RCAN3: variants seen among roughly 807,000 people sequenced by gnomAD.
RCAN3 encodes the protein calcipressin-3.
In RCAN3, 19 loss-of-function variants were observed where a neutral mutation model predicts 21.9. The observed-to-expected ratio is 0.87, with a 90% CI of 0.61 to 1.27. The LOEUF is 1.27. Among genes scored for constraint, RCAN3 ranks in the 50% most tolerant of loss-of-function variants. RCAN3 has a pLI of 0.00. For synonymous variants in RCAN3, 114 were observed against 112.3 expected (o/e 1.01, Z -0.09); for missense variants, 240 against 300.1 (o/e 0.80, Z 1.48).
Position 24,502,928 on chromosome 1 carries a change from G to C in RCAN3, c.-282G>C, listed in dbSNP as rs1647202849. 1 of 149,986 alleles carries C rather than the reference G, an allele frequency of 6.7e-6. No individual in the cohort carries two copies. Among genetic ancestry groups the C allele is most frequent in the Non-Finnish European group, 1.5e-5 (1 of 67,206 alleles). 9.3% of individuals were successfully genotyped at this position (149,986 alleles called of 1,614,324 possible). A position where few individuals can be genotyped will look rare whatever the true frequency, so the allele number is the denominator to read the frequency against. ...CCCAGCCCAGGGGGCCGCTCTCGCC[G>C]GCGTCGAGGGCGTGGCGGCGAGGCT... On this transcript the variant is annotated 5_prime_UTR_variant, in exon 1 of 5. Transcript: ENST00000374395.
At chr1:24,508,827 A>T (rs1472097520) in intron 1 of RCAN3, among the ~76,000 whole-genome samples, 1 of 152,246 alleles carries the variant, frequency 6.6e-6, no homozygotes, top group Non-Finnish European at 1.5e-5. Context: ...TCTTAAAAAA[A>T]TTTATAGACC....
At chr1:24,519,091 A>C (rs952264914) in intron 2 of RCAN3, among the ~76,000 whole-genome samples, 1 of 152,038 alleles carries the variant, frequency 6.6e-6, no homozygotes, top group Non-Finnish European at 1.5e-5. Flanking sequence ...TTGTATTTTT[A>C]GTAGAGATAG....
At chr1:24,530,345 ACT>A (rs1327064559) in intron 2 of RCAN3, among the ~76,000 whole-genome samples, 2 of 118,508 alleles carry the variant, frequency 1.7e-5, no homozygotes, top group Non-Finnish European at 3.3e-5. Flanking sequence ...ACAGAGTGAG[ACT>A]CTTATCTCCA....
intron 2 of RCAN3, among the ~76,000 whole-genome samples, chr1:24,528,108 G>T (rs1263711604): frequency 1.3e-5 from 2 of 152,060 alleles, no homozygotes; most frequent in Non-Finnish European, 2.9e-5. Flanking sequence ...AAAAAGGTTT[G>T]ATTGTTTTGC....
intron 2 of RCAN3, 99 bp from the exon 3 acceptor site, chr1:24,531,119 C>T (rs1406413973): frequency 4.7e-6 from 4 of 848,334 alleles, no homozygotes; most frequent in Admixed American, 5.5e-5. Context: ...ATAATGAGTT[C>T]TTAATTAGGT....
intron 1 of RCAN3, among the ~76,000 whole-genome samples, chr1:24,514,036 A>G (rs1428871927): frequency 6.6e-6 from 1 of 152,194 alleles, no homozygotes; most frequent in Non-Finnish European, 1.5e-5. Flanking sequence ...ATCTCATTTT[A>G]TATTACCCTT....
chr1:24,514,694 C>T (rs147234114), intron 2 of RCAN3, 127 bp downstream of exon 2: 18 of 889,686 alleles, frequency 2.0e-5, no homozygotes, highest in African/African-American at 1.4e-4. Flanking sequence ...TTAGGCCGGG[C>T]GCATTGGCTC....
intron 1 of RCAN3, among the ~76,000 whole-genome samples, chr1:24,505,346 C>T (rs1647361413): frequency 6.8e-6 from 1 of 146,678 alleles, no homozygotes; most frequent in African/African-American, 2.5e-5. Context: ...CTCAAGTATT[C>T]CTCCCACCAC....
chr1:24,502,994 C>T lies in RCAN3; in HGVS notation c.-216C>T, dbSNP rs1232916883. 1.3e-5 allele frequency: 2 copies of T among 149,634 alleles called. No individual in the cohort carries two copies. Among genetic ancestry groups the T allele is most frequent in the Admixed American group, 6.6e-5 (1 of 15,074 alleles). 9.3% of individuals were successfully genotyped at this position (149,634 alleles called of 1,614,324 possible). Reference sequence around the variant, plus strand: ...TCCCGGCTCTGCCTTCGGCCCCGCCCGCCGCCCACCAGGCTCCCAGAGGCC... The same window carrying T: ...TCCCGGCTCTGCCTTCGGCCCCGCCTGCCGCCCACCAGGCTCCCAGAGGCC... On this transcript the variant is annotated 5_prime_UTR_variant, in exon 1 of 5. Transcript: ENST00000374395.
chr1:24,512,746 G>A (rs752139068), intron 1 of RCAN3, among the ~76,000 whole-genome samples: 3 of 152,264 alleles, frequency 2.0e-5, no homozygotes, highest in East Asian at 1.9e-4. Context: ...TGCCTGCTAC[G>A]TATTTATTAA....
chr1:24,520,835 TAATAA>T (rs1177711092), intron 2 of RCAN3, among the ~76,000 whole-genome samples: 7 of 151,710 alleles, frequency 4.6e-5, no homozygotes. Context: ...AGTATAATAA[TAATAA>T]AATAAAAATA....
At chr1:24,521,903 TG>T (rs77051973) in intron 2 of RCAN3, among the ~76,000 whole-genome samples, 50 of 112,110 alleles carry the variant, frequency 4.5e-4, no homozygotes, top group South Asian at 1.5e-3. Context: ...TATTGGTTGC[TG>T]GGGGGGGTGG....
rs1649748532 is a variant in RCAN3, at chr1:24,531,394, A to T, written c.369+3A>T. The T allele has an allele frequency of 3.1e-6, 5 of 1,603,808 alleles. No individual in the cohort carries two copies. Among genetic ancestry groups the T allele is most frequent in the Non-Finnish European group, 4.3e-6 (5 of 1,175,138 alleles). On this transcript the variant is annotated splice_donor_region_variant and intron_variant, in intron 3 of 4. Coordinates refer to ENST00000374395, the MANE Select transcript of RCAN3 (RefSeq NM_013441.4). ...AGCTAAAGCTATATTTTGCACAGGT[A>T]CTTCACCGTGCAGAGAACACTGTTC...
At chr1:24,518,288 A>G (rs1162187318) in intron 2 of RCAN3, among the ~76,000 whole-genome samples, 2 of 152,214 alleles carry the variant, frequency 1.3e-5, no homozygotes, top group Non-Finnish European at 2.9e-5. Flanking sequence ...ATGTAAATGT[A>G]ATCTTTGCTC....
chr1:24,520,326 T>C (rs1303443122), intron 2 of RCAN3, among the ~76,000 whole-genome samples: 1 of 152,162 alleles, frequency 6.6e-6, no homozygotes, highest in Admixed American at 6.5e-5. Context: ...AATTAAGAAA[T>C]CCTAGTCAAG....
At chr1:24,534,943 A>G in intron 4 of RCAN3, 150 bp from the exon 5 acceptor site, 1 of 737,636 alleles carries the variant, frequency 1.4e-6, no homozygotes. Context: ...ACACCAAAAC[A>G]AGATAAAATA....
rs1247799385 is a variant in RCAN3 at position 24,514,564 on chromosome 1, G to A, written c.192G>A (p.Gln64=). 3 of 1,613,174 alleles carry A rather than the reference G, an allele frequency of 1.9e-6. No homozygotes were observed. The highest frequency in any genetic ancestry group is 2.2e-5 in the East Asian group (1 of 44,870). Residue 64 remains glutamine, a synonymous_variant, in exon 2 of 5, where the codon CAG becomes CAA. Coordinates refer to ENST00000374395, the MANE Select transcript of RCAN3 (RefSeq NM_013441.4). ...AAGCAGTGTTTGAGGCACGAGAGCA[G>A]AAGGTAGGCATCTATCCTCCCTTTC... ...VHEAVFEARE[Q]KERFEALFTI... is the part of the protein sequence containing the mutation.
intron 2 of RCAN3, among the ~76,000 whole-genome samples, chr1:24,523,307 C>T (rs112762155): frequency 7.2e-5 from 11 of 151,996 alleles, no homozygotes; most frequent in East Asian, 1.9e-4. Flanking sequence ...TCAGGTGATC[C>T]GCCCGCCTTG....
At position 24,535,274 on chromosome 1, in the gene RCAN3, G is replaced by T. The variant is rs751729340; in HGVS notation, c.723G>T (p.Leu241=). ...AGCCCCAGACCTTTGATTGCGCGCTGTGAGGCCCTTGGTTGTGGTGCGAGG... is the reference window on the plus strand; with the variant it reads ...AGCCCCAGACCTTTGATTGCGCGCTTTGAGGCCCTTGGTTGTGGTGCGAGG... ...LNEPQTFDCA[L] is the part of the protein sequence containing the mutation. The change falls in exon 5 of 5, where the codon CTG becomes CTT. Residue 241 remains leucine, a synonymous_variant. Transcript: ENST00000374395. 7 of 1,538,854 alleles carry T rather than the reference G, an allele frequency of 4.5e-6. No homozygotes were observed. In the South Asian group the frequency reaches 9.0e-5, roughly 20 times the overall value.
Sources: gnomAD v4.1 joint callset for allele counts (sites outside exome capture counted in the v4.1 genomes callset) on GRCh38, gnomAD v4.1.1 for gene constraint, MANE v1.5 for transcripts, NCBI Gene and HGNC (gene_info 2026-07-23, HGNC 2026-07-21) for gene names.